PTPRD: variants seen among roughly 807,000 people sequenced by gnomAD.
The protein encoded by PTPRD is receptor-type tyrosine-protein phosphatase delta.
A neutral mutation model predicts 214.5 loss-of-function variants in PTPRD; 34 were observed. That is an observed-to-expected ratio of 0.16 (90% CI 0.12 to 0.21). PTPRD has a LOEUF of 0.21. Among genes scored for constraint, PTPRD ranks in the 10% least tolerant of loss-of-function variants. PTPRD has a pLI of 1.00. For synonymous variants in PTPRD, 1,128 were observed against 845.7 expected, an observed-to-expected ratio of 1.33 and a Z score of -5.79; for missense variants, 2,545 against 2,398.7, an observed-to-expected ratio of 1.06 and a Z score of -1.27.
intron 3 of PTPRD, among the ~76,000 whole-genome samples, chr9:10,071,461 T>C (rs890051799): frequency 1.3e-5 from 2 of 151,498 alleles, no homozygotes; most frequent in East Asian, 2.0e-4. Flanking sequence ...AGTTCAGAAA[T>C]AGACCTACAC....
chr9:10,314,956 T>C (rs567180691), intron 3 of PTPRD, among the ~76,000 whole-genome samples: 2 of 151,896 alleles, frequency 1.3e-5, no homozygotes, highest in Non-Finnish European at 2.9e-5. Context: ...CAAGATAATA[T>C]AGATTTGTAC....
chr9:9,638,695 G>A (rs2095847729), intron 7 of PTPRD, among the ~76,000 whole-genome samples: 1 of 152,102 alleles, frequency 6.6e-6, no homozygotes, highest in African/African-American at 2.4e-5. Context: ...ATTTGTTAAG[G>A]CAACAGGCCA....
At position 9,430,808 on chromosome 9, in the gene PTPRD, A is replaced by T. The variant is rs538015048; in HGVS notation, c.-236-33326T>A. On this transcript the variant is annotated intron_variant, in intron 8 of 45. Coordinates refer to ENST00000381196, the MANE Select transcript of PTPRD (RefSeq NM_002839.4). ...ACAAAAACAAGAAATGGGGAAAGGA[A>T]TCCCTGTTTAATAAATGGTTCTGGG... is the stretch of plus-strand genomic sequence containing the variant. Among the ~76,000 whole-genome samples the T allele has an allele frequency of 7.4e-4, 112 of 152,264 alleles. 1 individual carries two copies. The highest frequency in any genetic ancestry group is 2.6e-3 in the African/African-American group (106 of 41,568).
chr9:10,228,424 T>C (rs564272446), intron 3 of PTPRD, among the ~76,000 whole-genome samples: 3 of 152,154 alleles, frequency 2.0e-5, no homozygotes, highest in South Asian at 2.1e-4. Flanking sequence ...TTAATATTGA[T>C]TGTTATCTGG....
At chr9:9,781,940 C>T (rs888126471) in intron 5 of PTPRD, among the ~76,000 whole-genome samples, 4 of 152,022 alleles carry the variant, frequency 2.6e-5, no homozygotes, top group Non-Finnish European at 5.9e-5. Flanking sequence ...CTACAGGCGC[C>T]CACTACCACG....
intron 3 of PTPRD, among the ~76,000 whole-genome samples, chr9:10,144,103 A>T (rs10809033): frequency 6.6e-6 from 1 of 151,926 alleles, no homozygotes; most frequent in African/African-American, 2.4e-5. Flanking sequence ...TAAAGAAAAA[A>T]ATAAAGTAAT....
chr9:9,758,362 G>A (rs992504225), intron 6 of PTPRD, among the ~76,000 whole-genome samples: 1 of 152,054 alleles, frequency 6.6e-6, no homozygotes, highest in African/African-American at 2.4e-5. Flanking sequence ...TCTCATATGT[G>A]AAGACTGCTA....
chr9:9,411,861 G>T (rs966876441), intron 8 of PTPRD, among the ~76,000 whole-genome samples: 3 of 152,026 alleles, frequency 2.0e-5, no homozygotes, highest in Admixed American at 2.0e-4. Flanking sequence ...GTAGGGAAAT[G>T]AAATACTAAA....
chr9:9,564,138 G>T (rs1241401065), intron 8 of PTPRD, among the ~76,000 whole-genome samples: 1 of 152,104 alleles, frequency 6.6e-6, no homozygotes, highest in Non-Finnish European at 1.5e-5. Flanking sequence ...GTCAGCCAAA[G>T]AGGCTATTAG....
chr9:9,090,093 T>C (rs1406398503), intron 10 of PTPRD, among the ~76,000 whole-genome samples: 3 of 152,194 alleles, frequency 2.0e-5, no homozygotes, highest in Non-Finnish European at 4.4e-5. Context: ...CCCTTCTAGC[T>C]ATTTTGAAAT....
At chr9:9,717,063 C>A (rs571267622) in intron 7 of PTPRD, among the ~76,000 whole-genome samples, 229 of 152,088 alleles carry the variant, frequency 1.5e-3, no homozygotes, top group African/African-American at 4.1e-3. Context: ...TCAGCTTTCT[C>A]CATATGGCTA....
chr9:8,946,408 G>A (rs953731727), intron 11 of PTPRD, among the ~76,000 whole-genome samples: 3 of 152,124 alleles, frequency 2.0e-5, no homozygotes, highest in Non-Finnish European at 4.4e-5. Flanking sequence ...TGCTTGGAAA[G>A]TTACTTTACC....
intron 9 of PTPRD, among the ~76,000 whole-genome samples, chr9:9,392,883 C>T (rs924099649): frequency 7.9e-5 from 12 of 152,062 alleles, no homozygotes; most frequent in Admixed American, 2.0e-4. Flanking sequence ...GAGTCAGCCA[C>T]ATTGAGACAG....
chr9:9,138,277 G>T (rs1265208830), intron 10 of PTPRD, among the ~76,000 whole-genome samples: 5 of 151,968 alleles, frequency 3.3e-5, no homozygotes, highest in African/African-American at 1.2e-4. Flanking sequence ...CCTAAATAGG[G>T]ATATAATATT....
chr9:10,334,356 A>C (rs975387556), intron 3 of PTPRD, among the ~76,000 whole-genome samples: 14 of 151,768 alleles, frequency 9.2e-5, no homozygotes, highest in African/African-American at 3.4e-4. Flanking sequence ...ACTTCCACTC[A>C]TGATAAAATC....
At position 10,149,587 on chromosome 9, in the gene PTPRD, G is replaced by C. The variant is rs139445782; in HGVS notation, c.-544-115797C>G. 6.2e-3 allele frequency among the ~76,000 whole-genome samples: 938 copies of C among 152,246 alleles called. 9 individuals carry two copies. Among genetic ancestry groups the C allele is most frequent in the African/African-American group, 0.02 (842 of 41,548 alleles). On this transcript the variant is annotated intron_variant, in intron 3 of 45. Coordinates refer to ENST00000381196, the MANE Select transcript of PTPRD (RefSeq NM_002839.4). Reference sequence around the variant, plus strand: ...TCCTGCCTAGTCCCCATGACTGTTGGAATTCTAGACCTTTGGTATATTCAT... The same window carrying C: ...TCCTGCCTAGTCCCCATGACTGTTGCAATTCTAGACCTTTGGTATATTCAT...
intron 4 of PTPRD, among the ~76,000 whole-genome samples, chr9:9,958,231 T>G (rs182621563): frequency 3.3e-5 from 5 of 152,242 alleles, no homozygotes; most frequent in Non-Finnish European, 1.5e-5. Context: ...TTGGACTTTA[T>G]TAAAAACTTA....
chr9:9,456,704 T>C (rs1197130240), intron 8 of PTPRD, among the ~76,000 whole-genome samples: 2 of 152,044 alleles, frequency 1.3e-5, no homozygotes, highest in African/African-American at 4.8e-5. Flanking sequence ...TTACTAATCT[T>C]AAACTGCTAC....
chr9:8,812,540 G>T (rs1324427406), intron 11 of PTPRD, among the ~76,000 whole-genome samples: 1 of 152,126 alleles, frequency 6.6e-6, no homozygotes, highest in Non-Finnish European at 1.5e-5. Flanking sequence ...GAAAGTACAT[G>T]TGCAACGACT....
Sources: allele counts gnomAD v4.1 joint callset (sites outside exome capture counted in the v4.1 genomes callset), GRCh38; gene constraint gnomAD v4.1.1; transcripts MANE v1.5; gene names NCBI Gene and HGNC (gene_info 2026-07-23, HGNC 2026-07-21).